Variants in BMPR1A observed in about 807,000 individuals in gnomAD.
The protein encoded by BMPR1A is bone morphogenetic protein receptor type 1A, also known as bone morphogenetic protein receptor type-1A.
Under a neutral mutation model 66.0 loss-of-function variants are expected in BMPR1A, and 7 were observed. The observed-to-expected ratio is 0.11, with a 90% CI of 0.06 to 0.20. The LOEUF is 0.20. Ranked by LOEUF, BMPR1A falls within the 10% of genes least tolerant of loss-of-function variation. The probability of loss-of-function intolerance (pLI) is 1.00; values close to 1 mark genes in which losing one functional copy is unlikely to be tolerated. For synonymous variants in BMPR1A, 200 were observed against 229.7 expected (o/e 0.87, Z 1.17); for missense variants, 408 against 669.1 (o/e 0.61, Z 4.31).
At chr10:86,759,990 CT>C (rs2132576673) in intron 1 of BMPR1A, among the ~76,000 whole-genome samples, 1 of 148,868 alleles carries the variant, frequency 6.7e-6, no homozygotes, top group African/African-American at 2.5e-5. Context: ...CCCCCACCCC[CT>C]AACTCTAAAT....
intron 11 of BMPR1A, among the ~76,000 whole-genome samples, chr10:86,921,989 T>A (rs1843671357): frequency 6.6e-6 from 1 of 152,238 alleles, no homozygotes; most frequent in Admixed American, 6.5e-5. Flanking sequence ...CCCGTTGTGC[T>A]ATAAAATACC....
At chr10:86,823,139 A>G (rs867216253) in intron 1 of BMPR1A, among the ~76,000 whole-genome samples, 1 of 152,198 alleles carries the variant, frequency 6.6e-6, no homozygotes, top group South Asian at 2.1e-4. Context: ...TTATTAGGCA[A>G]TGTTATTAAA....
In BMPR1A at chr10:86,884,119, C is replaced by T. The variant is rs138660016; in HGVS notation, c.68-5943C>T. Among the ~76,000 whole-genome samples the T allele has an allele frequency of 4.9e-3, 752 of 152,020 alleles. 4 individuals are homozygous for T. Among genetic ancestry groups the T allele is most frequent in the African/African-American group, 0.017 (712 of 41,488 alleles). On this transcript the variant is annotated intron_variant, in intron 3 of 12. Coordinates refer to ENST00000372037, the MANE Select transcript of BMPR1A (RefSeq NM_004329.3). Reference sequence around the variant, plus strand: ...CTGAGCTCAGGTGATCCACCCACCTCGGCCTCCCAAGGTGCTGGGGTTACA... The same window carrying T: ...CTGAGCTCAGGTGATCCACCCACCTTGGCCTCCCAAGGTGCTGGGGTTACA...
chr10:86,912,505 T>C lies in BMPR1A; in HGVS notation c.675+121T>C, dbSNP rs1843506647. The C allele has an allele frequency of 4.7e-6, 6 of 1,281,822 alleles. No individual in the cohort carries two copies. The East Asian group carries it at 9.5e-5, about 20-fold the overall frequency. 79.4% of individuals were successfully genotyped at this position (1,281,822 alleles called of 1,614,324 possible). On this transcript the variant is annotated intron_variant, in intron 8 of 12. Transcript: ENST00000372037. ...TAATGGACACATTTTTTTCTCCTTA[T>C]TTAGAAAGAGGTATGCAGTATTGCA...
At chr10:86,908,378 G>A (rs1156893869) in intron 7 of BMPR1A, among the ~76,000 whole-genome samples, 1 of 152,154 alleles carries the variant, frequency 6.6e-6, no homozygotes, top group African/African-American at 2.4e-5. Context: ...TTGAAATAAA[G>A]ACATACTCCT....
intron 1 of BMPR1A, among the ~76,000 whole-genome samples, chr10:86,762,620 A>G (rs1344824105): frequency 6.6e-6 from 1 of 152,120 alleles, no homozygotes; most frequent in East Asian, 1.9e-4. Context: ...TGGCCTCCCA[A>G]AGTTCTGGGA....
intron 3 of BMPR1A, among the ~76,000 whole-genome samples, chr10:86,884,710 T>C (rs1302233460): frequency 6.6e-6 from 1 of 152,050 alleles, no homozygotes; most frequent in Non-Finnish European, 1.5e-5. Flanking sequence ...CCACCGCGCC[T>C]GGCCAAGCAT....
intron 7 of BMPR1A, among the ~76,000 whole-genome samples, chr10:86,900,512 C>T (rs1259108834): frequency 2.0e-5 from 3 of 150,680 alleles, no homozygotes; most frequent in Non-Finnish European, 4.4e-5. Context: ...AGACAGTTGC[C>T]AAAAAAGAAG....
chr10:86,777,637 C>T (rs1028684498), intron 1 of BMPR1A, among the ~76,000 whole-genome samples: 3 of 152,018 alleles, frequency 2.0e-5, no homozygotes, highest in Non-Finnish European at 2.9e-5. Flanking sequence ...GTATACATCA[C>T]AGTGTTACAA....
intron 1 of BMPR1A, among the ~76,000 whole-genome samples, chr10:86,773,891 G>A (rs1345978079): frequency 2.1e-5 from 3 of 145,128 alleles, no homozygotes; most frequent in East Asian, 2.0e-4. Flanking sequence ...TTACTCTGTC[G>A]CCAGGCTGGA....
intron 1 of BMPR1A, among the ~76,000 whole-genome samples, chr10:86,793,105 C>T (rs544903882): frequency 2.2e-5 from 3 of 138,394 alleles, no homozygotes; most frequent in South Asian, 2.4e-4. Flanking sequence ...CCCCCCCCCA[C>T]CCCCCGCCAC....
At chr10:86,876,516 G>T (rs767785060) in intron 3 of BMPR1A, among the ~76,000 whole-genome samples, 2 of 152,084 alleles carry the variant, frequency 1.3e-5, no homozygotes, top group Non-Finnish European at 2.9e-5. Flanking sequence ...AGGCACAGTG[G>T]CTCACACCTG....
intron 7 of BMPR1A, among the ~76,000 whole-genome samples, chr10:86,901,203 T>G (rs1323275204): frequency 1.3e-5 from 2 of 152,310 alleles, no homozygotes; most frequent in African/African-American, 4.8e-5. Context: ...GACTGCAAGC[T>G]CCTGTCAAGC....
chr10:86,883,423 G>A (rs11202246), intron 3 of BMPR1A, among the ~76,000 whole-genome samples: 17,016 of 151,462 alleles, frequency 0.11, 1,099 homozygotes, highest in African/African-American at 0.17. Context: ...GGTGGCGGGC[G>A]CCTGTAGTCC....
chr10:86,865,090 T>TGTGACTTGCACATATATCCC (rs996359711), intron 2 of BMPR1A, among the ~76,000 whole-genome samples: 1 of 151,776 alleles, frequency 6.6e-6, no homozygotes, highest in Non-Finnish European at 1.5e-5. Flanking sequence ...TCGTATCCCC[T>TGTGACTTGCACATATATCCC]GTGACTTGCA....
Position 86,816,872 on chromosome 10 carries a change from A to C in BMPR1A, c.-267-21993A>C, listed in dbSNP as rs115271348. On this transcript the variant is annotated intron_variant, in intron 1 of 12. Transcript: ENST00000372037. ...GAACAGCACCCAAGATACACCAGAC[A>C]CTGGTGGAAAATTCTAACAGGAATT... 4.2e-3 allele frequency among the ~76,000 whole-genome samples: 644 copies of C among 152,288 alleles called. 8 individuals carry two copies. Among genetic ancestry groups the C allele is most frequent in the African/African-American group, 0.015 (611 of 41,554 alleles).
intron 1 of BMPR1A, among the ~76,000 whole-genome samples, chr10:86,791,687 TCCTCCCTC>T (rs1193872662): frequency 1.4e-4 from 11 of 78,858 alleles, no homozygotes; most frequent in Admixed American, 3.7e-4. Context: ...TTTACTTCCT[TCCTCCCTC>T]CCTCCCTCCC....
At chr10:86,784,497 G>C (rs189349072) in intron 1 of BMPR1A, among the ~76,000 whole-genome samples, 1 of 152,058 alleles carries the variant, frequency 6.6e-6, no homozygotes, top group Non-Finnish European at 1.5e-5. Flanking sequence ...AATTTGGTTT[G>C]GTAACATTTT....
Position 86,890,803 on chromosome 10 carries a change from C to CT in BMPR1A, c.230+585dup, listed in dbSNP as rs199526167. 3.9e-5 allele frequency among the ~76,000 whole-genome samples: 6 copies of CT among 151,988 alleles called. No homozygotes were observed. In the East Asian group the frequency reaches 1.2e-3, roughly 29 times the overall value. On this transcript the variant is annotated intron_variant, in intron 4 of 12. Coordinates refer to ENST00000372037, the MANE Select transcript of BMPR1A (RefSeq NM_004329.3). The stretch of plus-strand genomic sequence containing the variant: ...TCATATTGTGTTAATTAATTTTATG[C>CT]TTTTTTCTTACCTGTGAATTTACCA...
Sources: allele counts gnomAD v4.1 joint callset (sites outside exome capture counted in the v4.1 genomes callset), GRCh38; gene constraint gnomAD v4.1.1; transcripts MANE v1.5; gene names NCBI Gene and HGNC (gene_info 2026-07-23, HGNC 2026-07-21).